The following TENM3 variants were observed in gnomAD, a reference collection of about 807,000 sequenced individuals.
TENM3 encodes the protein teneurin-3.
Under a neutral mutation model 255.1 loss-of-function variants are expected in TENM3, and 63 were observed. The ratio of observed to expected loss-of-function variants is 0.25; its 90% CI spans 0.20 to 0.30. TENM3 has a LOEUF of 0.30. TENM3 is among the 10% of genes least tolerant of loss of function. The pLI, the probability that TENM3 is intolerant of heterozygous loss-of-function variation, is 1.00. For synonymous variants in TENM3, 1,306 were observed against 1,322.3 expected (o/e 0.99, Z 0.27); for missense variants, 2,929 against 3,461.1 (o/e 0.85, Z 3.86).
the TENM3 span, among the ~76,000 whole-genome samples, chr4:181,997,778 C>T: frequency 6.6e-6 from 1 of 152,068 alleles, no homozygotes; most frequent in African/African-American, 2.4e-5. Context: ...TAACACTCAC[C>T]CTCTTCCACA....
At chr4:182,635,034 C>T (rs1236605562) in intron 5 of TENM3, among the ~76,000 whole-genome samples, 1 of 152,146 alleles carries the variant, frequency 6.6e-6, no homozygotes, top group Non-Finnish European at 1.5e-5. Flanking sequence ...CAAATAACAC[C>T]GTTATAGACC....
the TENM3 span, among the ~76,000 whole-genome samples, chr4:181,707,561 T>C: frequency 2.0e-5 from 3 of 152,176 alleles, no homozygotes; most frequent in Non-Finnish European, 4.4e-5. Context: ...CCAAGAGTGG[T>C]TATGAAAATT....
intron 3 of TENM3, among the ~76,000 whole-genome samples, chr4:182,518,579 G>A (rs975536572): frequency 1.3e-5 from 2 of 152,094 alleles, no homozygotes; most frequent in African/African-American, 4.8e-5. Context: ...GGCCTCTAGG[G>A]CCTGAGGGCC....
At chr4:181,853,460 G>A in the TENM3 span, among the ~76,000 whole-genome samples, 2 of 152,106 alleles carry the variant, frequency 1.3e-5, no homozygotes, top group East Asian at 1.9e-4. Context: ...CAACCTAATC[G>A]TAATTCATTT....
the TENM3 span, among the ~76,000 whole-genome samples, chr4:182,065,819 C>T: frequency 1.3e-5 from 2 of 152,180 alleles, no homozygotes; most frequent in African/African-American, 4.8e-5. Flanking sequence ...CACATCTTAG[C>T]CTTTTTGTCT....
chr4:181,883,070 A>AT, the TENM3 span, among the ~76,000 whole-genome samples: 2 of 149,184 alleles, frequency 1.3e-5, no homozygotes, highest in South Asian at 4.2e-4. Flanking sequence ...TTTGTGTTTC[A>AT]TTTTGTATTC....
rs1384883319 is a variant in TENM3, at chr4:182,685,267, A to C, written c.2036-2899A>C. ...CTTCCTGTTTTATTCATTCTCCCTC[A>C]TCTTTTGGCCCATACACCTCTGGAT... On this transcript the variant is annotated intron_variant, in intron 11 of 27. Coordinates refer to ENST00000511685, the MANE Select transcript of TENM3 (RefSeq NM_001080477.4). Among the ~76,000 whole-genome samples, 6 of 149,754 alleles carry C rather than the reference A, an allele frequency of 4.0e-5. No homozygotes were observed. In the East Asian group the frequency reaches 1.2e-3, roughly 29 times the overall value.
At chr4:182,034,759 G>C in the TENM3 span, among the ~76,000 whole-genome samples, 1 of 152,194 alleles carries the variant, frequency 6.6e-6, no homozygotes, top group Non-Finnish European at 1.5e-5. Context: ...TCCACTGTTA[G>C]TCTAATGGGC....
chr4:182,031,147 G>A, the TENM3 span, among the ~76,000 whole-genome samples: 46 of 152,082 alleles, frequency 3.0e-4, no homozygotes, highest in African/African-American at 1.1e-3. Flanking sequence ...GTCCTGAATG[G>A]TATTTCCCAG....
intron 1 of TENM3, among the ~76,000 whole-genome samples, chr4:182,320,242 C>A (rs1762968693): frequency 6.6e-6 from 1 of 152,210 alleles, no homozygotes; most frequent in Non-Finnish European, 1.5e-5. Flanking sequence ...GTGTTAGTTT[C>A]CTGTGGCTGC....
At chr4:182,076,710 G>C in the TENM3 span, among the ~76,000 whole-genome samples, 1 of 152,146 alleles carries the variant, frequency 6.6e-6, no homozygotes, top group South Asian at 2.1e-4. Context: ...GTTTAACTCA[G>C]GGATTGGCAA....
chr4:181,557,688 A>C, the TENM3 span, among the ~76,000 whole-genome samples: 2 of 80,484 alleles, frequency 2.5e-5, no homozygotes, highest in Non-Finnish European at 5.6e-5. Context: ...CACCACCCCC[A>C]GCTATTTTTT....
rs116839802 is a variant in TENM3, at chr4:182,332,854, C to T, written c.232+8602C>T. Among the ~76,000 whole-genome samples the T allele has an allele frequency of 5.4e-3, 823 of 152,082 alleles. 6 individuals carry two copies. The highest frequency in any genetic ancestry group is 9.4e-3 in the Non-Finnish European group (641 of 67,974). On this transcript the variant is annotated intron_variant, in intron 2 of 27. Coordinates refer to ENST00000511685, the MANE Select transcript of TENM3 (RefSeq NM_001080477.4). ...AAAAAGGCTAGTAAAATAGAAAGCA[C>T]CTATGATCCTGATTAAGAAATAATG...
intron 2 of TENM3, among the ~76,000 whole-genome samples, chr4:182,333,753 A>G (rs1265232148): frequency 2.6e-5 from 4 of 152,222 alleles, no homozygotes; most frequent in Admixed American, 6.5e-5. Context: ...AATGATATAT[A>G]TTTTGGAAAA....
At chr4:182,597,950 C>A (rs1747428433) in intron 3 of TENM3, among the ~76,000 whole-genome samples, 1 of 152,070 alleles carries the variant, frequency 6.6e-6, no homozygotes, top group Non-Finnish European at 1.5e-5. Flanking sequence ...GAGGCCAAGG[C>A]TGGAGGCTCA....
chr4:182,580,632 T>C (rs1745397036), intron 3 of TENM3, among the ~76,000 whole-genome samples: 1 of 152,200 alleles, frequency 6.6e-6, no homozygotes, highest in Non-Finnish European at 1.5e-5. Flanking sequence ...GAAAGTGTTT[T>C]CATTATGCTA....
chr4:181,899,848 T>C, the TENM3 span, among the ~76,000 whole-genome samples: 1 of 152,182 alleles, frequency 6.6e-6, no homozygotes, highest in Non-Finnish European at 1.5e-5. Context: ...TTACAGGCTA[T>C]GTTTTTTGTA....
the TENM3 span, among the ~76,000 whole-genome samples, chr4:181,911,762 A>G: frequency 6.6e-6 from 1 of 152,228 alleles, no homozygotes; most frequent in Non-Finnish European, 1.5e-5. Context: ...AATATATTAG[A>G]CACAGATGTT....
At chr4:182,797,237 C>T (rs1307236283) in intron 27 of TENM3, among the ~76,000 whole-genome samples, 6 of 152,042 alleles carry the variant, frequency 3.9e-5, no homozygotes, top group African/African-American at 9.7e-5. Context: ...GTCGGGAGTT[C>T]GAGACCAGCC....
Sources: gnomAD v4.1 joint callset for allele counts (sites outside exome capture counted in the v4.1 genomes callset) on GRCh38, gnomAD v4.1.1 for gene constraint, MANE v1.5 for transcripts, NCBI Gene and HGNC (gene_info 2026-07-23, HGNC 2026-07-21) for gene names.